The following NPAS2 variants were observed in gnomAD, a reference collection of about 807,000 sequenced individuals.
NPAS2 encodes the protein neuronal PAS domain-containing protein 2.
In NPAS2, 23 loss-of-function variants were observed where a neutral mutation model predicts 107.5. The observed-to-expected ratio is 0.21, with a 90% CI of 0.15 to 0.30. The LOEUF is 0.30. Ranked by LOEUF, NPAS2 falls within the 10% of genes least tolerant of loss-of-function variation. NPAS2 has a pLI of 1.00. For synonymous variants in NPAS2, 403 were observed against 417.5 expected, an observed-to-expected ratio of 0.97 and a Z score of 0.42; for missense variants, 756 against 1,043.3, an observed-to-expected ratio of 0.72 and a Z score of 3.79.
intron 1 of NPAS2, among the ~76,000 whole-genome samples, chr2:100,836,077 G>T (rs1381768590): frequency 6.6e-6 from 1 of 152,228 alleles, no homozygotes; most frequent in Non-Finnish European, 1.5e-5. Flanking sequence ...AGCCTTGGTT[G>T]TAAGCAGAGA....
intron 1 of NPAS2, among the ~76,000 whole-genome samples, chr2:100,837,040 A>G (rs1185099965): frequency 6.6e-6 from 1 of 152,100 alleles, no homozygotes; most frequent in African/African-American, 2.4e-5. Flanking sequence ...AGTAAATTAC[A>G]TCGCTTACAG....
chr2:100,937,125 G>T lies in NPAS2; in HGVS notation c.274-628G>T, dbSNP rs564552907. Among the ~76,000 whole-genome samples, 42 of 152,254 alleles carry T rather than the reference G, an allele frequency of 2.8e-4. No individual in the cohort carries two copies. In the South Asian group the frequency reaches 2.9e-3, roughly 11 times the overall value. ...CTCAGTAGAGACTTTCAAATGCATG[G>T]ATTTTTCAGACATTCTGAAATGCTT... On this transcript the variant is annotated intron_variant, in intron 4 of 20. Transcript: ENST00000335681.
chr2:100,886,136 C>G (rs1008063507), intron 1 of NPAS2, among the ~76,000 whole-genome samples: 23 of 152,214 alleles, frequency 1.5e-4, no homozygotes, highest in African/African-American at 5.3e-4. Flanking sequence ...GTTAAGCACA[C>G]TAATTGGCAG....
chr2:100,963,543 C>T (rs923095898), intron 7 of NPAS2, among the ~76,000 whole-genome samples: 1 of 152,116 alleles, frequency 6.6e-6, no homozygotes, highest in Non-Finnish European at 1.5e-5. Context: ...GGATTACAGG[C>T]ACACACCACC....
chr2:100,847,311 G>A (rs932469914), intron 1 of NPAS2: 1 of 152,126 alleles, frequency 6.6e-6, no homozygotes, highest in Non-Finnish European at 1.5e-5. Context: ...CCACTGAACT[G>A]TCACTTAAAA....
intron 7 of NPAS2, among the ~76,000 whole-genome samples, chr2:100,957,693 G>A (rs1043741997): frequency 1.3e-5 from 2 of 152,182 alleles, no homozygotes; most frequent in Non-Finnish European, 2.9e-5. Context: ...TTGGGAGGCC[G>A]AGGCGGGCGG....
At chr2:100,834,810 T>A (rs955204109) in intron 1 of NPAS2, among the ~76,000 whole-genome samples, 1 of 152,168 alleles carries the variant, frequency 6.6e-6, no homozygotes, top group African/African-American at 2.4e-5. Flanking sequence ...TTCTCCTGCC[T>A]CAGCCTCCCA....
intron 1 of NPAS2, among the ~76,000 whole-genome samples, chr2:100,859,335 G>A (rs1205487620): frequency 1.3e-5 from 2 of 152,224 alleles, no homozygotes; most frequent in African/African-American, 4.8e-5. Context: ...AGTCTCTGTG[G>A]TCGAGATCTT....
At chr2:100,825,436 A>T (rs1391837322) in intron 1 of NPAS2, among the ~76,000 whole-genome samples, 1 of 152,248 alleles carries the variant, frequency 6.6e-6, no homozygotes, top group Non-Finnish European at 1.5e-5. Context: ...TAAAAAGCAC[A>T]TGGATATAAT....
At chr2:100,938,575 T>TTTCC (rs1684495718) in intron 5 of NPAS2, among the ~76,000 whole-genome samples, 1 of 52,028 alleles carries the variant, frequency 1.9e-5, no homozygotes, top group Non-Finnish European at 3.9e-5. Flanking sequence ...CCCTCCCCCC[T>TTTCC]TTCCTCCCTC....
At chr2:100,956,587 C>G (rs749667919) in intron 7 of NPAS2, among the ~76,000 whole-genome samples, 1 of 152,216 alleles carries the variant, frequency 6.6e-6, no homozygotes, top group Admixed American at 6.5e-5. Flanking sequence ...CTAACGCGCT[C>G]TCTTCTTGCT....
intron 1 of NPAS2, among the ~76,000 whole-genome samples, chr2:100,840,306 C>G (rs975121621): frequency 1.3e-5 from 2 of 152,130 alleles, no homozygotes; most frequent in Admixed American, 6.5e-5. Flanking sequence ...CTTCACTTAA[C>G]TACAGCGAAG....
chr2:100,877,445 CAAAAAAA>C (rs72050213), intron 1 of NPAS2, among the ~76,000 whole-genome samples: 4 of 81,604 alleles, frequency 4.9e-5, no homozygotes, highest in African/African-American at 4.9e-5. Flanking sequence ...GACTCCGTCT[CAAAAAAA>C]AAAAAAAAAA....
At chr2:100,889,541 T>C (rs1680921839) in intron 1 of NPAS2, among the ~76,000 whole-genome samples, 2 of 152,204 alleles carry the variant, frequency 1.3e-5, no homozygotes, top group South Asian at 4.1e-4. Context: ...GTTTTGTTCT[T>C]GTGTATTTGA....
intron 10 of NPAS2, among the ~76,000 whole-genome samples, chr2:100,967,544 C>T (rs1041010513): frequency 1.1e-4 from 16 of 152,070 alleles, no homozygotes; most frequent in Non-Finnish European, 4.4e-5. Context: ...CCTTTTGTAG[C>T]GTTAGTTTCC....
intron 1 of NPAS2, among the ~76,000 whole-genome samples, chr2:100,891,365 G>A (rs542937814): frequency 1.3e-5 from 2 of 152,148 alleles, no homozygotes; most frequent in East Asian, 1.9e-4. Flanking sequence ...TGCAACATGA[G>A]GGTATGTCCT....
intron 2 of NPAS2, among the ~76,000 whole-genome samples, chr2:100,907,121 C>T (rs1056556911): frequency 6.6e-6 from 1 of 152,138 alleles, no homozygotes; most frequent in Non-Finnish European, 1.5e-5. Context: ...CCCTTCTAGT[C>T]CCATCCCTGC....
upstream of NPAS2, among the ~76,000 whole-genome samples, chr2:100,819,146 A>G (rs61228700): frequency 3.4e-5 from 5 of 148,750 alleles, no homozygotes; most frequent in African/African-American, 1.2e-4. The surrounding 1 kb of genome is among the most constrained non-coding windows in gnomAD (Gnocchi z 5.8). Context: ...CTCCTCCCAC[A>G]GAGGAAAAAA....
rs1553441809 is a variant in NPAS2 at position 100,842,077 on chromosome 2, A to ACGCG, written c.-23+21665_-23+21668dup. On this transcript the variant is annotated intron_variant, in intron 1 of 20. Transcript: ENST00000335681. ...CATGTTCATGCATGAGTGTGCATGT[A>ACGCG]CGCGCACACACACACACACACACAC... Among the ~76,000 whole-genome samples, 100 of 92,418 alleles carry ACGCG rather than the reference A, an allele frequency of 1.1e-3. 2 individuals carry two copies. Among genetic ancestry groups the ACGCG allele is most frequent in the Middle Eastern group, 4.9e-3 (1 of 204 alleles). 60.6% of individuals were successfully genotyped at this position (92,418 alleles called of 152,430 possible). A position where few individuals can be genotyped will look rare whatever the true frequency, so the allele number is the denominator to read the frequency against.
Sources: allele counts gnomAD v4.1 joint callset (sites outside exome capture counted in the v4.1 genomes callset), GRCh38; gene constraint gnomAD v4.1.1; non-coding constraint Gnocchi (gnomAD v3.1); transcripts MANE v1.5; gene names NCBI Gene and HGNC (gene_info 2026-07-23, HGNC 2026-07-21).